Variants in SNX27 observed in about 807,000 individuals in gnomAD.
The protein encoded by SNX27 is sorting nexin 27.
A neutral mutation model predicts 71.6 loss-of-function variants in SNX27; 22 were observed. The observed-to-expected ratio is 0.31, with a 90% confidence interval of 0.22 to 0.44. The LOEUF is 0.44. Among genes scored for constraint, SNX27 ranks in the 20% least tolerant of loss-of-function variants. The probability of loss-of-function intolerance (pLI) is 1.00; values close to 1 mark genes in which losing one functional copy is unlikely to be tolerated. For missense variants in SNX27, 531 were observed against 698.6 expected (o/e 0.76, Z 2.70); for synonymous variants, 269 against 277.2 (o/e 0.97, Z 0.29).
intron 1 of SNX27, among the ~76,000 whole-genome samples, chr1:151,626,086 G>A (rs983668496): frequency 6.6e-6 from 1 of 151,970 alleles, no homozygotes; most frequent in African/African-American, 2.4e-5. Context: ...CCGAGATGGC[G>A]CCACTGCACT....
At chr1:151,680,340 G>C (rs1670884745) in intron 7 of SNX27, 2 of 152,026 alleles carry the variant, frequency 1.3e-5, no homozygotes, top group Admixed American at 1.3e-4. Context: ...TATTTTAGTA[G>C]AAATGGGGTT....
At chr1:151,652,179 T>G (rs1571820586) in intron 2 of SNX27, among the ~76,000 whole-genome samples, 1 of 112,128 alleles carries the variant, frequency 8.9e-6, no homozygotes, top group African/African-American at 3.4e-5. Context: ...AGGGAGACCG[T>G]GGAAAGAGAG....
At chr1:151,619,287 GCCAT>G (rs1394725991) in intron 1 of SNX27, among the ~76,000 whole-genome samples, 2 of 152,208 alleles carry the variant, frequency 1.3e-5, no homozygotes, top group Non-Finnish European at 2.9e-5. Flanking sequence ...GCTGCAGTGA[GCCAT>G]GATCACATCA....
At chr1:151,630,305 G>A (rs1668165928) in intron 1 of SNX27, among the ~76,000 whole-genome samples, 1 of 151,906 alleles carries the variant, frequency 6.6e-6, no homozygotes, top group African/African-American at 2.4e-5. Context: ...ATCTTTAGAT[G>A]CATATTGCCA....
At chr1:151,660,578 T>C (rs1669918896) in intron 3 of SNX27, 1 of 484,614 alleles carries the variant, frequency 2.1e-6, no homozygotes, top group African/African-American at 1.9e-5. Flanking sequence ...AAGCTACATC[T>C]TTGTATTTTC....
At chr1:151,647,563 C>T (rs1209298023) in intron 2 of SNX27, among the ~76,000 whole-genome samples, 2 of 122,810 alleles carry the variant, frequency 1.6e-5, no homozygotes, top group Non-Finnish European at 3.3e-5. Flanking sequence ...TCCCTGAAAC[C>T]TTGCACATAT....
At chr1:151,640,976 G>T (rs1668694416) in intron 2 of SNX27, among the ~76,000 whole-genome samples, 1 of 152,038 alleles carries the variant, frequency 6.6e-6, no homozygotes, top group South Asian at 2.1e-4. Flanking sequence ...CTTGTATCTG[G>T]CTTTGTTCAG....
At chr1:151,689,691 G>A (rs1444150113) in intron 8 of SNX27, among the ~76,000 whole-genome samples, 1 of 152,182 alleles carries the variant, frequency 6.6e-6, no homozygotes, top group Non-Finnish European at 1.5e-5. Context: ...ACACCCACTG[G>A]CATTTACAGA....
At chr1:151,641,630 T>TATATAA (rs1668741460) in intron 2 of SNX27, among the ~76,000 whole-genome samples, 1 of 93,298 alleles carries the variant, frequency 1.1e-5, no homozygotes, top group Non-Finnish European at 2.3e-5. Flanking sequence ...TATATATATA[T>TATATAA]CATATGTATC....
At chr1:151,665,639 T>C (rs1670155367) in intron 5 of SNX27, among the ~76,000 whole-genome samples, 1 of 152,196 alleles carries the variant, frequency 6.6e-6, no homozygotes, top group South Asian at 2.1e-4. Context: ...GAAGCTGATA[T>C]TTAAGGAGAG....
chr1:151,694,114 G>T (rs1671591427), intron 11 of SNX27: 1 of 1,265,122 alleles, frequency 7.9e-7, no homozygotes. Context: ...TTCCCTCTGT[G>T]TAATTTTGGG....
At chr1:151,672,965 A>T (rs1670508540) in intron 7 of SNX27, among the ~76,000 whole-genome samples, 1 of 150,018 alleles carries the variant, frequency 6.7e-6, no homozygotes, top group Non-Finnish European at 1.5e-5. Context: ...TTTTTATTTC[A>T]ATTTAATTTA....
In SNX27 at chr1:151,666,161, C is replaced by A. The variant is rs749339495; in HGVS notation, c.985+150C>A. On this transcript the variant is annotated intron_variant, in intron 6 of 11. Transcript: ENST00000458013. ...CAAGCATATCCCATTAAACTCAGGT[C>A]ATAAGCATGTCTGATCACTGTTGAT... The A allele has an allele frequency of 2.1e-4, 98 of 467,138 alleles. No individual in the cohort carries two copies. The highest frequency in any genetic ancestry group is 3.3e-4 in the Non-Finnish European group (88 of 266,544). The allele number at this position is 467,138 out of a possible 1,614,324, so 28.9% of individuals were successfully genotyped here.
At chr1:151,650,616 T>A (rs879450214) in intron 2 of SNX27, among the ~76,000 whole-genome samples, 3 of 152,146 alleles carry the variant, frequency 2.0e-5, no homozygotes, top group Non-Finnish European at 2.9e-5. Context: ...AATTTATTTA[T>A]TTTTTATTGA....
chr1:151,696,494 TTTCTTTCTTTCGTTCTTTCG>T lies in SNX27; in HGVS notation c.*2085_*2104del, dbSNP rs1671723572. The T allele has an allele frequency of 7.3e-6, 1 of 136,858 alleles. No homozygotes were observed. Among genetic ancestry groups the T allele is most frequent in the Admixed American group, 7.3e-5 (1 of 13,760 alleles). The allele number at this position is 136,858 out of a possible 1,614,324, so 8.5% of individuals were successfully genotyped here. A position where few individuals can be genotyped will look rare whatever the true frequency, so the allele number is the denominator to read the frequency against. On this transcript the variant is annotated 3_prime_UTR_variant, in exon 12 of 12. Coordinates refer to ENST00000458013, the MANE Select transcript of SNX27 (RefSeq NM_001330723.2). ...CTTTCTTTCTTTCTTTCTTTCTTTC[TTTCTTTCTTTCGTTCTTTCG>T]TTCTTTCGTTCTTTCTTTCTTTCTT...
Position 151,683,413 on chromosome 1 carries a change from C to G in SNX27, c.1207C>G (p.Gln403Glu). 6.2e-7 allele frequency: 1 copy of G among 1,613,740 alleles called. No homozygotes were observed. Among genetic ancestry groups the G allele is most frequent in the Non-Finnish European group, 8.5e-7 (1 of 1,179,904 alleles). ...IKAEEKSYQL[Q>E]KLYEQRKMVM... The stretch of plus-strand genomic sequence containing the variant: ...AGCAGAAGAAAAGTCCTATCAATTA[C>G]AGAAGCTATACGAACAAAGAAAAAT... The change falls in exon 8 of 12, where the codon CAG becomes GAG. Residue 403 changes from glutamine (Q) to glutamate (E), a missense_variant. This residue lies in a region of SNX27 where 157 missense variants were observed against 178.4 expected (regional missense o/e 0.88). Coordinates refer to ENST00000458013, the MANE Select transcript of SNX27 (RefSeq NM_001330723.2).
At chr1:151,660,674 T>C (rs1287932866) in intron 3 of SNX27, 124 bp from the exon 4 acceptor site, 1 of 699,632 alleles carries the variant, frequency 1.4e-6, no homozygotes, top group East Asian at 2.6e-5. Flanking sequence ...GCTGCCTCAT[T>C]ATTGCCTGCT....
intron 2 of SNX27, among the ~76,000 whole-genome samples, chr1:151,641,669 A>C (rs1469589779): frequency 2.2e-5 from 3 of 135,978 alleles, no homozygotes; most frequent in Non-Finnish European, 4.7e-5. Context: ...TCAGATATAT[A>C]TATCATATAT....
chr1:151,665,109 A>G (rs893793613), intron 5 of SNX27, among the ~76,000 whole-genome samples: 3 of 152,202 alleles, frequency 2.0e-5, no homozygotes, highest in African/African-American at 4.8e-5. Context: ...TGTTTTATCA[A>G]CAAAACAATG....
Sources: allele counts gnomAD v4.1 joint callset (sites outside exome capture counted in the v4.1 genomes callset), GRCh38; gene constraint gnomAD v4.1.1; regional missense constraint gnomAD v4.1.1; transcripts MANE v1.5; gene names NCBI Gene and HGNC (gene_info 2026-07-23, HGNC 2026-07-21).